HEATR1: variants seen among roughly 807,000 people sequenced by gnomAD.
The protein encoded by HEATR1 is HEAT repeat-containing protein 1.
Under a neutral mutation model 248.2 loss-of-function variants are expected in HEATR1, and 77 were observed. The observed-to-expected ratio is 0.31, with a 90% CI of 0.26 to 0.37. The LOEUF (loss-of-function observed/expected upper bound fraction) is 0.37, where lower values mean the gene tolerates loss of function less well. HEATR1 is among the 10% of genes least tolerant of loss of function. The probability of loss-of-function intolerance (pLI) is 1.00; values close to 1 mark genes in which losing one functional copy is unlikely to be tolerated. For missense variants in HEATR1, 2,420 were observed against 2,504.9 expected (o/e 0.97, Z 0.72); for synonymous variants, 897 against 923.1 (o/e 0.97, Z 0.51).
At position 236,557,296 on chromosome 1, in the gene HEATR1, A is replaced by G; in HGVS notation, c.5254T>C (p.Ser1752Pro). The change falls in exon 37 of 45, where the codon TCC becomes CCC. Residue 1752 changes from serine to proline, a missense_variant. Transcript: ENST00000366582. The stretch of plus-strand genomic sequence containing the variant: ...GCACTGAGCAGGTAGACCTCGCTGG[A>G]GACCAGCTCGCTGGTGTTCTTCATT... ...TTMKNTSELV[S>P]SEVYLLSALA... is the part of the protein sequence containing the mutation. 6.2e-7 allele frequency: 1 copy of G among 1,614,200 alleles called. No individual in the cohort carries two copies. Among genetic ancestry groups the G allele is most frequent in the Non-Finnish European group, 8.5e-7 (1 of 1,180,018 alleles).
At chr1:236,558,942 C>A (rs1663050537) in intron 35 of HEATR1, 53 bp downstream of exon 35, 1 of 1,475,722 alleles carries the variant, frequency 6.8e-7, no homozygotes, top group Non-Finnish European at 9.1e-7. Context: ...TTAAATGCAG[C>A]TCTTTGATAA....
At chr1:236,554,913 C>T (rs570542656) in intron 41 of HEATR1, among the ~76,000 whole-genome samples, 161 bp from the exon 42 acceptor site, 33 of 152,270 alleles carry the variant, frequency 2.2e-4, no homozygotes, top group Admixed American at 5.2e-4. Context: ...GATGGTCTCT[C>T]GAAGAATGAT....
chr1:236,585,052 CTTTA>C lies in HEATR1; in HGVS notation c.2210_2213del (p.Ile737ArgfsTer20). 1 of 1,613,136 alleles carries C rather than the reference CTTTA, an allele frequency of 6.2e-7. No individual in the cohort carries two copies. Among genetic ancestry groups the C allele is most frequent in the South Asian group, 1.1e-5 (1 of 90,898 alleles). Reference sequence around the variant, plus strand: ...CTGCAGTAATGACACTTTCAAGCTTCTTTATTTTTTTCTGCAACAAACTGAAGAC... The same window carrying C: ...CTGCAGTAATGACACTTTCAAGCTTCTTTTTTTCTGCAACAAACTGAAGAC... On this transcript the variant is annotated frameshift_variant, in exon 17 of 45. Coordinates refer to ENST00000366582, the MANE Select transcript of HEATR1 (RefSeq NM_018072.6). LOFTEE classifies it high-confidence loss of function.
chr1:236,555,261 G>A (rs6668926), intron 41 of HEATR1, 35 bp downstream of exon 41: 1,056,786 of 1,605,712 alleles, frequency 0.66, 354,499 homozygotes, highest in Non-Finnish European at 0.7. Context: ...GGCACACAGG[G>A]CAAGGGTGAC....
At chr1:236,554,880 C>A (rs1263321452) in intron 41 of HEATR1, 128 bp from the exon 42 acceptor site, 2 of 826,548 alleles carry the variant, frequency 2.4e-6, no homozygotes, top group Admixed American at 3.0e-5. Context: ...AAATCATAAT[C>A]AGGACGAAGG....
chr1:236,585,298 T>C, intron 16 of HEATR1, 82 bp from the exon 17 acceptor site: 1 of 1,137,074 alleles, frequency 8.8e-7, no homozygotes. Context: ...ATCTAGGTAT[T>C]ATGTGTTTTA....
chr1:236,584,985 T>C (rs766506504), intron 17 of HEATR1, 40 bp downstream of exon 17: 12 of 1,556,648 alleles, frequency 7.7e-6, no homozygotes, highest in Non-Finnish European at 1.7e-6. Flanking sequence ...GCTGTTGTTT[T>C]ATTCAACATC....
At chr1:236,556,681 C>CT (rs1662987719) in intron 37 of HEATR1, among the ~76,000 whole-genome samples, 2 of 152,168 alleles carry the variant, frequency 1.3e-5, no homozygotes, top group Non-Finnish European at 2.9e-5. Flanking sequence ...ATGAAGGCTC[C>CT]TAACCTTGTA....
intron 33 of HEATR1, 89 bp from the exon 34 acceptor site, chr1:236,559,926 G>A (rs533909449): frequency 1.5e-6 from 2 of 1,323,168 alleles, no homozygotes; most frequent in African/African-American, 1.5e-5. Context: ...GTTTCAAGTA[G>A]AAAGACGAGT....
intron 29 of HEATR1, among the ~76,000 whole-genome samples, chr1:236,568,281 A>T (rs1411657237): frequency 2.0e-5 from 3 of 152,096 alleles, no homozygotes; most frequent in Non-Finnish European, 4.4e-5. Context: ...GCATATTATT[A>T]TTTTTCTTTT....
At position 236,566,768 on chromosome 1, in the gene HEATR1, G is replaced by T; in HGVS notation, c.4186C>A (p.Leu1396Met). 6.2e-7 allele frequency: 1 copy of T among 1,614,144 alleles called. No individual in the cohort carries two copies. The highest frequency in any genetic ancestry group is 8.5e-7 in the Non-Finnish European group (1 of 1,179,992). Reference protein sequence around the residue: ...ALPHVPEHRRLPILVQLVDTL... With the variant: ...ALPHVPEHRRMPILVQLVDTL... ...TCAACAAGTTGAACAAGGATGGGCA[G>T]GCGCCTGTGCTCCGGGACGTGTGGC... The change falls in exon 30 of 45, where the codon CTG becomes ATG. Residue 1396 changes from leucine (L) to methionine (M), a missense_variant. Leu to Met is a conservative substitution (Grantham distance 15). Transcript: ENST00000366582.
chr1:236,599,712 A>G (rs1572055496), intron 3 of HEATR1, 88 bp from the exon 4 acceptor site: 20 of 1,207,056 alleles, frequency 1.7e-5, no homozygotes, highest in East Asian at 2.4e-5. Flanking sequence ...TATTATTAAT[A>G]AGCTAAAACA....
Position 236,603,273 on chromosome 1 carries a change from C to T in HEATR1, c.246G>A (p.Gln82=). 6.2e-7 allele frequency: 1 copy of T among 1,614,144 alleles called. No homozygotes were observed. The highest frequency in any genetic ancestry group is 8.5e-7 in the Non-Finnish European group (1 of 1,180,004). The change falls in exon 3 of 45, where the codon CAG becomes CAA. Residue 82 remains glutamine, a synonymous_variant. Coordinates refer to ENST00000366582, the MANE Select transcript of HEATR1 (RefSeq NM_018072.6). The stretch of plus-strand genomic sequence containing the variant: ...CCAACTGTTTGTTTACTGCTTTGGT[C>T]TGAACACTTCGCTCCAAGGTTTTTG... ...QLAKTLERSV[Q]TKAVNKQLDE...
chr1:236,604,273 G>A, intron 1 of HEATR1, 146 bp from the exon 2 acceptor site: 1 of 568,628 alleles, frequency 1.8e-6, no homozygotes, highest in African/African-American at 2.0e-5. Flanking sequence ...CAAAGACGAT[G>A]GCAGCAGCGT....
intron 31 of HEATR1, among the ~76,000 whole-genome samples, chr1:236,565,072 A>G (rs1372041761): frequency 2.0e-5 from 3 of 152,160 alleles, no homozygotes; most frequent in Non-Finnish European, 2.9e-5. Context: ...TTCCTTACCC[A>G]CATCACCACA....
At chr1:236,602,675 A>G in intron 3 of HEATR1, 1 of 159,142 alleles carries the variant, frequency 6.3e-6, no homozygotes, top group Non-Finnish European at 1.4e-5. Context: ...CTGTAATCCC[A>G]GTATTTTGGG....
Position 236,558,344 on chromosome 1 carries a change from C to A in HEATR1, c.5097G>T (p.Leu1699=). 4 of 1,614,194 alleles carry A rather than the reference C, an allele frequency of 2.5e-6. No individual in the cohort carries two copies. Among genetic ancestry groups the A allele is most frequent in the Non-Finnish European group, 3.4e-6 (4 of 1,180,030 alleles). ...TCTCCTCCTTTCTCTCTGGAGCAAT[C>A]AGTTTCACAGCAGTGTTCAGCACTG... is the stretch of plus-strand genomic sequence containing the variant. ...FVPVLNTAVK[L]IAPERKEEKN... Residue 1699 remains leucine (L), a synonymous_variant, in exon 36 of 45, where the codon CTG becomes CTT. Transcript: ENST00000366582.
rs558642812 is a variant in HEATR1, at chr1:236,580,086, C to T, written c.2755+1136G>A. The stretch of plus-strand genomic sequence containing the variant: ...TTTTTTCATCTTCAACCATTCTTCT[C>T]TGATCTAATTCTGCCACATCCCCTC... On this transcript the variant is annotated intron_variant, in intron 20 of 44. Coordinates refer to ENST00000366582, the MANE Select transcript of HEATR1 (RefSeq NM_018072.6). 1.3e-5 allele frequency among the ~76,000 whole-genome samples: 2 copies of T among 152,312 alleles called. 1 individual carries two copies. Among genetic ancestry groups the T allele is most frequent in the Admixed American group, 1.3e-4 (2 of 15,298 alleles).
intron 20 of HEATR1, among the ~76,000 whole-genome samples, chr1:236,578,262 G>GGAA (rs1663619305): frequency 6.6e-6 from 1 of 152,178 alleles, no homozygotes; most frequent in East Asian, 1.9e-4. Flanking sequence ...ATAGCCAGAT[G>GGAA]TCCCATTTAA....
Sources: allele counts gnomAD v4.1 joint callset (sites outside exome capture counted in the v4.1 genomes callset), GRCh38; gene constraint gnomAD v4.1.1; transcripts MANE v1.5; gene names NCBI Gene and HGNC (gene_info 2026-07-23, HGNC 2026-07-21).